MMP26: variants seen among roughly 807,000 people sequenced by gnomAD.
MMP26 encodes matrix metalloproteinase-26.
Under a neutral mutation model 31.0 loss-of-function variants are expected in MMP26, and 33 were observed. The ratio of observed to expected loss-of-function variants is 1.06; its 90% CI spans 0.81 to 1.42. MMP26 has a LOEUF of 1.42. Ranked by LOEUF, MMP26 falls within the 40% of genes most tolerant of loss-of-function variation. MMP26 has a pLI of 0.00. For synonymous variants in MMP26, 122 were observed against 114.9 expected (o/e 1.06, Z -0.40); for missense variants, 347 against 316.1 (o/e 1.10, Z -0.74).
intron 3 of MMP26, 92 bp downstream of exon 3, chr11:4,988,402 T>G: frequency 1.1e-6 from 1 of 888,562 alleles, no homozygotes; most frequent in Non-Finnish European, 1.9e-6. Flanking sequence ...CATGGTATAA[T>G]GATAAATACA....
intron 2 of MMP26, among the ~76,000 whole-genome samples, chr11:4,790,615 G>A (rs1426787997): frequency 6.6e-6 from 1 of 152,192 alleles, no homozygotes; most frequent in Admixed American, 6.5e-5. Flanking sequence ...TCCAGAATGA[G>A]GGTGGTGTAT....
At chr11:4,746,364 A>C (rs1848379524) in intron 1 of MMP26, among the ~76,000 whole-genome samples, 1 of 152,230 alleles carries the variant, frequency 6.6e-6, no homozygotes. Context: ...TCTTGAAAGA[A>C]GGTAAATCTA....
intron 2 of MMP26, chr11:4,769,418 G>A (rs781353738): frequency 6.2e-7 from 1 of 1,613,754 alleles, no homozygotes; most frequent in Non-Finnish European, 8.5e-7. Flanking sequence ...GAAATAGAGA[G>A]GCTTAAGGAG....
Position 4,937,705 on chromosome 11 carries a change from T to G in MMP26, c.-144-50363T>G, listed in dbSNP as rs570572952. On this transcript the variant is annotated intron_variant, in intron 2 of 7. Coordinates refer to ENST00000380390, the MANE Select transcript of MMP26 (RefSeq NM_021801.5). ...TCCTGCACAGAGTCCGTAGACAACA[T>G]TGACTGTGTTGTCAGAACACATCAG... The G allele has an allele frequency of 1.8e-5, 3 of 164,426 alleles. No individual in the cohort carries two copies. The East Asian group carries it at 5.2e-4, about 29-fold the overall frequency. The allele number at this position is 164,426 out of a possible 1,614,324, so 10.2% of individuals were successfully genotyped here.
chr11:4,824,351 TC>T (rs2133474987), intron 2 of MMP26, among the ~76,000 whole-genome samples: 1 of 152,248 alleles, frequency 6.6e-6, no homozygotes, highest in African/African-American at 2.4e-5. Context: ...GTGGGTCCCA[TC>T]ACTCTGACAG....
intron 2 of MMP26, chr11:4,822,526 A>G (rs1344642689): frequency 1.5e-6 from 1 of 685,190 alleles, no homozygotes; most frequent in African/African-American, 1.8e-5. Flanking sequence ...TTCTTTGTCA[A>G]TAAATTCATG....
Position 4,988,190 on chromosome 11 carries a change from G to A in MMP26, c.-22G>A, listed in dbSNP as rs1356984267. Reference sequence around the variant, plus strand: ...CAAGTTGTGTACCTGAATTCAAGCAGTGGGACAAATGAGGGTTTGGCATGC... The same window carrying A: ...CAAGTTGTGTACCTGAATTCAAGCAATGGGACAAATGAGGGTTTGGCATGC... On this transcript the variant is annotated 5_prime_UTR_variant, in exon 3 of 8. In the 5' UTR this introduces an upstream ATG that the reference lacks. Transcript: ENST00000380390. 6.2e-7 allele frequency: 1 copy of A among 1,610,082 alleles called. No homozygotes were observed. Among genetic ancestry groups the A allele is most frequent in the South Asian group, 1.1e-5 (1 of 91,012 alleles).
intron 2 of MMP26, among the ~76,000 whole-genome samples, chr11:4,903,052 C>T (rs1850826979): frequency 6.6e-6 from 1 of 151,634 alleles, no homozygotes; most frequent in Non-Finnish European, 1.5e-5. Context: ...TATATATATC[C>T]TTATTTTATA....
chr11:4,827,038 G>T (rs1450822495), intron 2 of MMP26, among the ~76,000 whole-genome samples: 1 of 151,774 alleles, frequency 6.6e-6, no homozygotes, highest in Non-Finnish European at 1.5e-5. Flanking sequence ...TTCAGTGTCA[G>T]TCTTGGGGCA....
chr11:4,897,241 G>A (rs551441572), intron 2 of MMP26, among the ~76,000 whole-genome samples: 1 of 152,196 alleles, frequency 6.6e-6, no homozygotes, highest in South Asian at 2.1e-4. Context: ...TCTGGTTCAA[G>A]CAATTCTCCT....
At chr11:4,893,541 C>T (rs953794744) in intron 2 of MMP26, among the ~76,000 whole-genome samples, 1 of 152,144 alleles carries the variant, frequency 6.6e-6, no homozygotes, top group Non-Finnish European at 1.5e-5. Flanking sequence ...CTGCTTTGAA[C>T]ACCCTCACTG....
At position 4,804,511 on chromosome 11, in the gene MMP26, T is replaced by C. The variant is rs149898916; in HGVS notation, c.-145+37170T>C. 212 of 797,038 alleles carry C rather than the reference T, an allele frequency of 2.7e-4. 1 individual carries two copies. The Middle Eastern group carries it at 4.9e-3, about 18-fold the overall frequency. The allele number at this position is 797,038 out of a possible 1,614,324, so 49.4% of individuals were successfully genotyped here. A position where few individuals can be genotyped will look rare whatever the true frequency, so the allele number is the denominator to read the frequency against. On this transcript the variant is annotated intron_variant, in intron 2 of 7. Coordinates refer to ENST00000380390, the MANE Select transcript of MMP26 (RefSeq NM_021801.5). ...TGGATACCAGGGTGATTGGGTTTGA[T>C]TATAAACTAGAATAATTTCAACTGT...
intron 2 of MMP26, among the ~76,000 whole-genome samples, chr11:4,791,524 C>A (rs1192327419): frequency 2.6e-5 from 4 of 152,176 alleles, no homozygotes; most frequent in Admixed American, 2.6e-4. Flanking sequence ...CCTAATTTCT[C>A]TGTATTTTAG....
At chr11:4,972,699 ACATTGTGTT>A (rs1340585559) in intron 2 of MMP26, among the ~76,000 whole-genome samples, 1 of 152,210 alleles carries the variant, frequency 6.6e-6, no homozygotes, top group Non-Finnish European at 1.5e-5. Flanking sequence ...TGACAAGAAT[ACATTGTGTT>A]CATAGGAGTG....
intron 1 of MMP26, among the ~76,000 whole-genome samples, chr11:4,714,920 T>TCTCACACACACA (rs376354906): frequency 4.9e-5 from 7 of 141,696 alleles, no homozygotes; most frequent in Admixed American, 3.5e-4. Flanking sequence ...TCTCTCTCTC[T>TCTCACACACACA]CACACACACA....
At chr11:4,963,216 T>C (rs1250350099) in intron 2 of MMP26, among the ~76,000 whole-genome samples, 1 of 152,144 alleles carries the variant, frequency 6.6e-6, no homozygotes, top group Non-Finnish European at 1.5e-5. Flanking sequence ...TACAAACCAC[T>C]GGTCAAGGAA....
chr11:4,706,577 C>CAAAAAAAAAAAAAAAAAAAAAA (rs71050423), intron 1 of MMP26, among the ~76,000 whole-genome samples: 1 of 87,568 alleles, frequency 1.1e-5, no homozygotes, highest in Non-Finnish European at 2.1e-5. Context: ...GACCCTATCT[C>CAAAAAAAAAAAAAAAAAAAAAA]AAAAAAAAAA....
intron 2 of MMP26, among the ~76,000 whole-genome samples, chr11:4,968,653 A>G (rs1846627435): frequency 6.6e-6 from 1 of 152,000 alleles, no homozygotes; most frequent in African/African-American, 2.4e-5. Flanking sequence ...AAAAAGGTAT[A>G]GAAAAACACT....
intron 1 of MMP26, among the ~76,000 whole-genome samples, chr11:4,766,888 TG>T (rs1203114055): frequency 6.6e-6 from 1 of 152,080 alleles, no homozygotes; most frequent in African/African-American, 2.4e-5. Flanking sequence ...GTGCTTATTG[TG>T]ATAATGTTAG....
Sources: allele counts gnomAD v4.1 joint callset (sites outside exome capture counted in the v4.1 genomes callset), GRCh38; gene constraint gnomAD v4.1.1; transcripts MANE v1.5; gene names NCBI Gene and HGNC (gene_info 2026-07-23, HGNC 2026-07-21).